Variants in ATP10B observed in about 807,000 individuals in gnomAD.
ATP10B encodes the protein phospholipid-transporting ATPase VB.
In ATP10B, 122 loss-of-function variants were observed where a neutral mutation model predicts 141.2. The observed-to-expected ratio is 0.86, with a 90% CI of 0.75 to 1.00. ATP10B has a LOEUF of 1.00. ATP10B is among the 50% of genes least tolerant of loss of function. The probability of loss-of-function intolerance (pLI) is 0.00; values close to 1 mark genes in which losing one functional copy is unlikely to be tolerated. For synonymous variants in ATP10B, 685 were observed against 692.0 expected, an observed-to-expected ratio of 0.99 and a Z score of 0.16; for missense variants, 1,876 against 1,825.3, an observed-to-expected ratio of 1.03 and a Z score of -0.51.
chr5:160,835,789 T>C (rs1219537724), intron 1 of ATP10B, among the ~76,000 whole-genome samples: 1 of 152,286 alleles, frequency 6.6e-6, no homozygotes, highest in East Asian at 1.9e-4. Flanking sequence ...GTTAGAAATA[T>C]ACAAAAACAG....
chr5:160,838,098 G>A (rs897577286), intron 1 of ATP10B, among the ~76,000 whole-genome samples: 1 of 152,142 alleles, frequency 6.6e-6, no homozygotes, highest in African/African-American at 2.4e-5. Flanking sequence ...GCCCCAGGTT[G>A]CTGAACTATA....
chr5:160,836,850 AG>A (rs1775471221), intron 1 of ATP10B, among the ~76,000 whole-genome samples: 1 of 152,090 alleles, frequency 6.6e-6, no homozygotes, highest in Non-Finnish European at 1.5e-5. Flanking sequence ...TATATTCCAC[AG>A]TGTCACAATT....
At chr5:160,743,026 T>C (rs1298091585) in intron 2 of ATP10B, among the ~76,000 whole-genome samples, 2 of 152,234 alleles carry the variant, frequency 1.3e-5, no homozygotes, top group Non-Finnish European at 2.9e-5. Flanking sequence ...GAGGTAATAG[T>C]GTGTATTTAA....
the ATP10B span, among the ~76,000 whole-genome samples, chr5:160,866,220 T>TA: frequency 6.6e-6 from 1 of 152,168 alleles, no homozygotes; most frequent in Admixed American, 6.6e-5. Flanking sequence ...CATGGAATAC[T>TA]ACTCAGCCCA....
chr5:160,572,645 G>A (rs1348254438), intron 24 of ATP10B, among the ~76,000 whole-genome samples: 1 of 152,140 alleles, frequency 6.6e-6, no homozygotes, highest in East Asian at 1.9e-4. Context: ...ATAATGTTGA[G>A]TTCTGATTAA....
At chr5:160,686,380 C>T in intron 5 of ATP10B, 107 bp from the exon 6 acceptor site, 8 of 730,532 alleles carry the variant, frequency 1.1e-5, no homozygotes, top group Non-Finnish European at 1.7e-5. Flanking sequence ...CCTTCTCTTT[C>T]AGTATCACCT....
the ATP10B span, among the ~76,000 whole-genome samples, chr5:160,916,127 T>C: frequency 5.3e-5 from 8 of 152,134 alleles, no homozygotes; most frequent in African/African-American, 1.4e-4. Flanking sequence ...AGTCTACAGA[T>C]AAGGAAACTA....
chr5:160,906,011 C>T, the ATP10B span, among the ~76,000 whole-genome samples: 314 of 152,168 alleles, frequency 2.1e-3, 4 homozygotes, highest in African/African-American at 7.2e-3. Context: ...TTTCCATTTT[C>T]TCTGCACTCC....
chr5:160,886,526 C>T, the ATP10B span, among the ~76,000 whole-genome samples: 3 of 152,226 alleles, frequency 2.0e-5, no homozygotes, highest in South Asian at 6.2e-4. Flanking sequence ...GCACAGATTT[C>T]ACAGAGCCTT....
chr5:160,909,295 G>A, the ATP10B span, among the ~76,000 whole-genome samples: 1 of 152,188 alleles, frequency 6.6e-6, no homozygotes, highest in Non-Finnish European at 1.5e-5. Context: ...GTGTGTGTGT[G>A]TGTTTTTTTT....
the ATP10B span, among the ~76,000 whole-genome samples, chr5:160,885,433 T>G: frequency 3.3e-5 from 5 of 152,228 alleles, no homozygotes; most frequent in African/African-American, 9.6e-5. Flanking sequence ...GATAAGCCCA[T>G]GTAAACAATG....
At chr5:160,916,720 C>T in the ATP10B span, among the ~76,000 whole-genome samples, 3 of 152,222 alleles carry the variant, frequency 2.0e-5, no homozygotes, top group Admixed American at 2.0e-4. Context: ...AGTTGGGCTA[C>T]AGAACCCACA....
rs1226751105 is a variant in ATP10B, at chr5:160,595,809, C to T, written c.3564+2961G>A. 4.0e-5 allele frequency among the ~76,000 whole-genome samples: 6 copies of T among 151,000 alleles called. No individual in the cohort carries two copies. In the East Asian group the frequency reaches 1.2e-3, roughly 29 times the overall value. On this transcript the variant is annotated intron_variant, in intron 22 of 25. Coordinates refer to ENST00000327245, the MANE Select transcript of ATP10B (RefSeq NM_025153.3). ...AAATCTAGAAGAAATGGATAAATTC[C>T]TCGACACATACACCCTCCCAATACT...
Position 160,851,936 on chromosome 5 carries a change from C to CTT in ATP10B, c.-576+3_-576+4dup, listed in dbSNP as rs1753838076. 6.6e-6 allele frequency: 1 copy of CTT among 152,170 alleles called. No individual in the cohort carries two copies. Among genetic ancestry groups the CTT allele is most frequent in the Non-Finnish European group, 1.5e-5 (1 of 68,024 alleles). 9.4% of individuals were successfully genotyped at this position (152,170 alleles called of 1,614,324 possible). A position where few individuals can be genotyped will look rare whatever the true frequency, so the allele number is the denominator to read the frequency against. On this transcript the variant is annotated splice_donor_region_variant and intron_variant, in intron 1 of 25. Coordinates refer to ENST00000327245, the MANE Select transcript of ATP10B (RefSeq NM_025153.3). The stretch of plus-strand genomic sequence containing the variant: ...ATAGGTTAAGGCCAGGATGCTTTTA[C>CTT]TTACCCCAGCAAAGCTGACGTCCCT...
At chr5:160,882,667 C>G in the ATP10B span, among the ~76,000 whole-genome samples, 2 of 151,868 alleles carry the variant, frequency 1.3e-5, no homozygotes, top group African/African-American at 4.8e-5. Context: ...GATGAGTAAT[C>G]ACAAAGGAAA....
chr5:160,605,791 T>A (rs1198268048), intron 19 of ATP10B, among the ~76,000 whole-genome samples: 1 of 152,190 alleles, frequency 6.6e-6, no homozygotes, highest in Non-Finnish European at 1.5e-5. Context: ...ATTTACTACA[T>A]GCTTGGTATG....
intron 3 of ATP10B, among the ~76,000 whole-genome samples, chr5:160,714,041 CT>C (rs1765448314): frequency 2.4e-5 from 1 of 42,498 alleles, no homozygotes; most frequent in Non-Finnish European, 4.1e-5. Flanking sequence ...TCTGGCTGCC[CT>C]TAACATTTTT....
chr5:160,796,966 C>T (rs1465420930), intron 1 of ATP10B, among the ~76,000 whole-genome samples: 1 of 152,190 alleles, frequency 6.6e-6, no homozygotes, highest in Non-Finnish European at 1.5e-5. Context: ...AGGGTGGGAA[C>T]TGTAGGGAAG....
intron 1 of ATP10B, among the ~76,000 whole-genome samples, chr5:160,849,066 T>C (rs1753630199): frequency 6.6e-6 from 1 of 152,172 alleles, no homozygotes; most frequent in Non-Finnish European, 1.5e-5. Flanking sequence ...TTTGCCCTTC[T>C]AATAGTTCCC....
Sources: allele counts gnomAD v4.1 joint callset (sites outside exome capture counted in the v4.1 genomes callset), GRCh38; gene constraint gnomAD v4.1.1; transcripts MANE v1.5; gene names NCBI Gene and HGNC (gene_info 2026-07-23, HGNC 2026-07-21).